FRMPD4: variants seen among roughly 807,000 people sequenced by gnomAD.
The protein encoded by FRMPD4 is FERM and PDZ domain containing 4.
In FRMPD4, 22 loss-of-function variants were observed where a neutral mutation model predicts 94.1. That is an observed-to-expected ratio of 0.23 (90% CI 0.17 to 0.33). The LOEUF is 0.33. FRMPD4 is among the 10% of genes least tolerant of loss of function. The pLI is 1.00. For synonymous variants in FRMPD4, 631 were observed against 548.6 expected (o/e 1.15, Z -2.10); for missense variants, 1,111 against 1,339.9 (o/e 0.83, Z 2.67).
intron 3 of FRMPD4, among the ~76,000 whole-genome samples, chrX:12,031,489 G>T (rs901929638): frequency 9.0e-6 from 1 of 111,575 alleles, no homozygotes; most frequent in African/African-American, 3.3e-5. Context: ...AGGAGTCAAG[G>T]TTTTTTTCTA....
At chrX:12,566,099 G>A (rs2058709263) in intron 2 of FRMPD4, among the ~76,000 whole-genome samples, 1 of 111,695 alleles carries the variant, frequency 9.0e-6, no homozygotes, top group South Asian at 3.7e-4. Context: ...CACCTAGAAG[G>A]TAGAAACTGA....
intron 1 of FRMPD4, among the ~76,000 whole-genome samples, chrX:11,862,103 T>A (rs1449915125): frequency 9.0e-6 from 1 of 110,912 alleles, no homozygotes; most frequent in Non-Finnish European, 1.9e-5. Flanking sequence ...AAGGGGGAAA[T>A]TCACCCCCAT....
At chrX:12,176,049 A>G in intron 1 of FRMPD4, among the ~76,000 whole-genome samples, 1 of 112,036 alleles carries the variant, frequency 8.9e-6, no homozygotes, top group Non-Finnish European at 1.9e-5. Context: ...TGTTATGTAA[A>G]TACTCCGTCA....
chrX:12,519,315 A>G (rs1274265931), intron 2 of FRMPD4, among the ~76,000 whole-genome samples: 1 of 112,569 alleles, frequency 8.9e-6, no homozygotes, highest in Non-Finnish European at 1.9e-5. Flanking sequence ...AGCTTTGGTA[A>G]TCAAAACAGT....
At position 12,274,360 on chromosome X, in the gene FRMPD4, G is replaced by A. The variant is rs948426077; in HGVS notation, c.41+135348G>A. 7.2e-5 allele frequency among the ~76,000 whole-genome samples: 8 copies of A among 111,368 alleles called. No individual in the cohort carries two copies. In the East Asian group the frequency reaches 8.4e-4, roughly 12 times the overall value. On this transcript the variant is annotated intron_variant, in intron 1 of 16. Coordinates refer to ENST00000675598, the MANE Select transcript of FRMPD4 (RefSeq NM_001368397.1). ...GCAACTGGGGTCCTTACACTGAAAC[G>A]TCATTAGCCTCACAGTCAATTCACT...
At chrX:12,657,041 G>A (rs1242951276) in intron 4 of FRMPD4, among the ~76,000 whole-genome samples, 2 of 108,454 alleles carry the variant, frequency 1.8e-5, no homozygotes, top group Admixed American at 9.9e-5. Context: ...AGCCAAGATT[G>A]CATCATTGCA....
Position 12,710,545 on chromosome X carries a change from C to T in FRMPD4, c.1609+8C>T, listed in dbSNP as rs373501282. 5.9e-6 allele frequency: 7 copies of T among 1,188,955 alleles called. 1 individual carries two copies. The African/African-American group carries it at 8.8e-5, about 15-fold the overall frequency. The stretch of plus-strand genomic sequence containing the variant: ...CAGCGACCCAGGAAACAGGTATTCT[C>T]TTCCTGAACTCATCAAGCACTGACC... On this transcript the variant is annotated splice_region_variant and intron_variant, in intron 14 of 16. Coordinates refer to ENST00000675598, the MANE Select transcript of FRMPD4 (RefSeq NM_001368397.1).
intron 3 of FRMPD4, among the ~76,000 whole-genome samples, chrX:11,947,117 C>A (rs2054193487): frequency 8.9e-6 from 1 of 111,736 alleles, no homozygotes; most frequent in Non-Finnish European, 1.9e-5. Flanking sequence ...GAGTCCCCCA[C>A]CCCTGCCACA....
At chrX:11,887,228 G>A in intron 3 of FRMPD4, among the ~76,000 whole-genome samples, 1 of 111,797 alleles carries the variant, frequency 8.9e-6, no homozygotes. Context: ...TCTATCCAAG[G>A]CCATCCTTGA....
At chrX:12,398,832 G>GTTTC (rs2056575769) in intron 1 of FRMPD4, among the ~76,000 whole-genome samples, 1 of 111,728 alleles carries the variant, frequency 9.0e-6, no homozygotes, top group Non-Finnish European at 1.9e-5. Flanking sequence ...GGCTATAATT[G>GTTTC]TTTCATATGG....
chrX:12,535,902 T>C (rs1355459254), intron 2 of FRMPD4, among the ~76,000 whole-genome samples: 2 of 110,514 alleles, frequency 1.8e-5, no homozygotes, highest in Non-Finnish European at 3.8e-5. Context: ...AAAAGGTATG[T>C]AAAGATGTAG....
intron 1 of FRMPD4, among the ~76,000 whole-genome samples, chrX:12,450,390 A>G (rs2057251661): frequency 8.9e-6 from 1 of 111,802 alleles, no homozygotes; most frequent in African/African-American, 3.2e-5. Context: ...CTACCATTAT[A>G]GTGAATTGCT....
chrX:12,519,334 G>C (rs763895331), intron 2 of FRMPD4, among the ~76,000 whole-genome samples: 10 of 112,173 alleles, frequency 8.9e-5, no homozygotes, highest in African/African-American at 3.2e-4. Context: ...GTGTGATAGT[G>C]GTATAAAGAC....
intron 4 of FRMPD4, among the ~76,000 whole-genome samples, chrX:12,643,876 T>C (rs2059522785): frequency 8.9e-6 from 1 of 112,166 alleles, no homozygotes; most frequent in Non-Finnish European, 1.9e-5. Context: ...AATCATCACA[T>C]GAGTTTACTG....
chrX:12,529,133 T>G (rs1195540968), intron 2 of FRMPD4, among the ~76,000 whole-genome samples: 1 of 112,314 alleles, frequency 8.9e-6, no homozygotes, highest in African/African-American at 3.2e-5. Flanking sequence ...TGGAATCTCA[T>G]TTGAAAGTTA....
At chrX:12,479,381 C>CTCATATATATAT (rs1450664987) in intron 1 of FRMPD4, among the ~76,000 whole-genome samples, 7 of 99,144 alleles carry the variant, frequency 7.1e-5, no homozygotes, top group Non-Finnish European at 1.2e-4. Flanking sequence ...TACATATATA[C>CTCATATATATAT]ACATATATAT....
chrX:12,108,034 C>G (rs1236070710), intron 3 of FRMPD4, among the ~76,000 whole-genome samples: 2 of 111,746 alleles, frequency 1.8e-5, no homozygotes, highest in Non-Finnish European at 3.8e-5. Flanking sequence ...CCCAACCTAG[C>G]AAGGCAGGCC....
intron 1 of FRMPD4, among the ~76,000 whole-genome samples, chrX:12,450,194 ACT>A (rs746971617): frequency 9.0e-6 from 1 of 110,542 alleles, no homozygotes; most frequent in South Asian, 3.9e-4. Flanking sequence ...AAACATCCTA[ACT>A]CTCTCTGTTT....
chrX:12,090,098 G>A (rs1174604307), intron 3 of FRMPD4, among the ~76,000 whole-genome samples: 1 of 111,647 alleles, frequency 9.0e-6, no homozygotes, highest in African/African-American at 3.3e-5. Context: ...ATATGGTTTG[G>A]ACCTGTGTCT....
Sources: gnomAD v4.1 joint callset for allele counts (sites outside exome capture counted in the v4.1 genomes callset) on GRCh38, gnomAD v4.1.1 for gene constraint, MANE v1.5 for transcripts, NCBI Gene and HGNC (gene_info 2026-07-23, HGNC 2026-07-21) for gene names.